DAB2IP: variants seen among roughly 807,000 people sequenced by gnomAD.
DAB2IP encodes the protein disabled homolog 2-interacting protein.
A neutral mutation model predicts 107.2 loss-of-function variants in DAB2IP; 28 were observed. That is an observed-to-expected ratio of 0.26 (90% CI 0.19 to 0.36). The LOEUF (loss-of-function observed/expected upper bound fraction) is 0.36. Among genes scored for constraint, DAB2IP ranks in the 10% least tolerant of loss-of-function variants. The pLI, the probability that DAB2IP is intolerant of heterozygous loss-of-function variation, is 1.00. For missense variants in DAB2IP, 1,400 were observed against 1,644.7 expected (o/e 0.85, Z 2.57); for synonymous variants, 755 against 706.4 (o/e 1.07, Z -1.09).
chr9:121,589,122 G>A (rs1424886867), intron 1 of DAB2IP, among the ~76,000 whole-genome samples: 5 of 152,114 alleles, frequency 3.3e-5, no homozygotes, highest in South Asian at 2.1e-4. Context: ...CACCCCCGGC[G>A]TGATATGATC....
At chr9:121,654,280 G>T (rs1265302214) in intron 1 of DAB2IP, among the ~76,000 whole-genome samples, 1 of 152,034 alleles carries the variant, frequency 6.6e-6, no homozygotes, top group Non-Finnish European at 1.5e-5. Context: ...GGATTGGGAA[G>T]GGGGCTGGGT....
intron 1 of DAB2IP, among the ~76,000 whole-genome samples, chr9:121,621,359 C>A (rs760395180): frequency 2.0e-5 from 3 of 152,196 alleles, no homozygotes; most frequent in Non-Finnish European, 4.4e-5. Flanking sequence ...TTTCAGGGCC[C>A]TTCTTCCAAA....
intron 3 of DAB2IP, among the ~76,000 whole-genome samples, chr9:121,719,684 C>T (rs1433874418): frequency 6.6e-6 from 1 of 152,136 alleles, no homozygotes; most frequent in African/African-American, 2.4e-5. Flanking sequence ...TCCCTTTGTG[C>T]CAGGTGCTTC....
In DAB2IP at chr9:121,651,766, G is replaced by A. The variant is rs1316728018; in HGVS notation, c.-10G>A. ...GCCCAGGCCCGGCCCGGTGCCCGGC[G>A]GGCGGCAGCATGTCCGCGGGCGGCA... is the stretch of plus-strand genomic sequence containing the variant. On this transcript the variant is annotated 5_prime_UTR_variant, in exon 1 of 16. Coordinates refer to ENST00000408936, the Ensembl canonical transcript of DAB2IP. This position sits in a 1 kb window ranked among gnomAD's most constrained non-coding sequence, Gnocchi z 5.1. 1.5e-6 allele frequency: 2 copies of A among 1,347,550 alleles called. No homozygotes were observed. The highest frequency in any genetic ancestry group is 1.5e-5 in the African/African-American group (1 of 66,354). The allele number at this position is 1,347,550 out of a possible 1,614,324, so 83.5% of individuals were successfully genotyped here. A position where few individuals can be genotyped will look rare whatever the true frequency, so the allele number is the denominator to read the frequency against.
chr9:121,710,973 C>T (rs918922418), intron 3 of DAB2IP, among the ~76,000 whole-genome samples: 6 of 152,224 alleles, frequency 3.9e-5, no homozygotes, highest in African/African-American at 1.4e-4. Flanking sequence ...CTGAGGTGGT[C>T]TTGCTCAGTT....
chr9:121,689,410 C>T (rs1199452971), intron 2 of DAB2IP, among the ~76,000 whole-genome samples: 1 of 152,118 alleles, frequency 6.6e-6, no homozygotes, highest in Non-Finnish European at 1.5e-5. Context: ...GAGAAATAGC[C>T]TATAAAATCC....
intron 10 of DAB2IP, among the ~76,000 whole-genome samples, 194 bp downstream of exon 10, chr9:121,768,827 C>T (rs1834486320): frequency 6.6e-6 from 1 of 152,242 alleles, no homozygotes; most frequent in Non-Finnish European, 1.5e-5. Flanking sequence ...TCAGCAGTAT[C>T]TGCCAAGGCT....
chr9:121,732,927 G>C (rs1256500944), intron 3 of DAB2IP, among the ~76,000 whole-genome samples: 1 of 152,224 alleles, frequency 6.6e-6, no homozygotes, highest in African/African-American at 2.4e-5. Context: ...CACATTTGCT[G>C]TTTGTTGGTG....
chr9:121,600,704 G>A (rs890241004), intron 1 of DAB2IP, among the ~76,000 whole-genome samples: 1 of 152,094 alleles, frequency 6.6e-6, no homozygotes, highest in African/African-American at 2.4e-5. Context: ...TAAAAAAATG[G>A]AACCAAACAC....
chr9:121,651,876 G>A lies in DAB2IP; in HGVS notation c.101G>A (p.Arg34His), dbSNP rs1351055121. The change falls in exon 1 of 16, where the codon CGC becomes CAC. Residue 34 changes from arginine (R) to histidine (H), a missense_variant. Coordinates refer to ENST00000408936, the Ensembl canonical transcript of DAB2IP. This position sits in a 1 kb window ranked among gnomAD's most constrained non-coding sequence, Gnocchi z 5.1. ...CTGCAGCGACAGAGGAGCCGCTCCC[G>A]CAGCCGGACCCGGCCTGCCAGGGGT... 4 of 1,438,458 alleles carry A rather than the reference G, an allele frequency of 2.8e-6. No individual in the cohort carries two copies. Among genetic ancestry groups the A allele is most frequent in the African/African-American group, 1.5e-5 (1 of 68,682 alleles). The allele number at this position is 1,438,458 out of a possible 1,614,324, so 89.1% of individuals were successfully genotyped here.
chr9:121,738,690 G>A (rs1832105989), intron 3 of DAB2IP, among the ~76,000 whole-genome samples: 1 of 152,224 alleles, frequency 6.6e-6, no homozygotes, highest in Non-Finnish European at 1.5e-5. Context: ...AGGTCCCCAG[G>A]GTTAGGGAGA....
chr9:121,756,765 C>T (rs943417141), intron 3 of DAB2IP, among the ~76,000 whole-genome samples: 8 of 152,370 alleles, frequency 5.3e-5, no homozygotes, highest in Non-Finnish European at 1.0e-4. Flanking sequence ...CCCGGAGTGG[C>T]GCCTAATCCT....
intron 3 of DAB2IP, among the ~76,000 whole-genome samples, chr9:121,745,611 G>C (rs1351087723): frequency 2.5e-5 from 3 of 121,142 alleles, no homozygotes; most frequent in African/African-American, 9.2e-5. Context: ...CTGGTGGCTG[G>C]ATCAACTCTG....
At chr9:121,774,478 C>A (rs1282075615) in intron 13 of DAB2IP, 66 bp downstream of exon 13, 3 of 1,492,556 alleles carry the variant, frequency 2.0e-6, no homozygotes, top group South Asian at 2.7e-5. Context: ...TGGTAGGAGT[C>A]TCTCCCCCAG....
intron 1 of DAB2IP, among the ~76,000 whole-genome samples, chr9:121,602,742 A>AT (rs902949527): frequency 4.6e-5 from 7 of 151,580 alleles, no homozygotes; most frequent in African/African-American, 1.7e-4. Context: ...CGCCCGGCTA[A>AT]TTTTTTGTAT....
chr9:121,622,011 T>G (rs1831491141), intron 1 of DAB2IP, among the ~76,000 whole-genome samples: 1 of 133,830 alleles, frequency 7.5e-6, no homozygotes, highest in South Asian at 2.5e-4. Flanking sequence ...TTTTTTGAGA[T>G]GGAGTCTCGC....
intron 3 of DAB2IP, among the ~76,000 whole-genome samples, chr9:121,715,120 C>G (rs1238858408): frequency 6.6e-6 from 1 of 152,186 alleles, no homozygotes; most frequent in African/African-American, 2.4e-5. Flanking sequence ...GGGAGCTGGC[C>G]TTGGCACTTG....
Position 121,782,484 on chromosome 9 carries a change from A to G in DAB2IP, c.3556A>G (p.Ser1186Gly), listed in dbSNP as rs949676383. ...TACTGAGAACGGCGAGTTCAGAAAC[A>G]GCAGCAATTGTTAACCTGCCTGAGG... Residue 1186 changes from serine (S) to glycine (G), a missense_variant, in exon 16 of 16, where the codon AGC becomes GGC. This residue lies in a region of DAB2IP where 600 missense variants were observed against 659.1 expected (regional missense o/e 0.91). Transcript: ENST00000408936. The surrounding 1 kb of genome is among the most constrained non-coding windows in gnomAD (Gnocchi z 6.1). 2 of 1,613,972 alleles carry G rather than the reference A, an allele frequency of 1.2e-6. No homozygotes were observed. The highest frequency in any genetic ancestry group is 1.7e-6 in the Non-Finnish European group (2 of 1,179,894).
Position 121,782,663 on chromosome 9 carries a change from A to G in DAB2IP, c.*165A>G. The G allele has an allele frequency of 6.9e-7, 1 of 1,448,396 alleles. No homozygotes were observed. The highest frequency in any genetic ancestry group is 1.4e-5 in the South Asian group (1 of 69,422). The allele number at this position is 1,448,396 out of a possible 1,614,324, so 89.7% of individuals were successfully genotyped here. A position where few individuals can be genotyped will look rare whatever the true frequency, so the allele number is the denominator to read the frequency against. ...CCAGGAGGCGGCCGCAGAGGGAGCC[A>G]CCAGAGACTGAAGCAGCGTGAGGCG... is the stretch of plus-strand genomic sequence containing the variant. On this transcript the variant is annotated 3_prime_UTR_variant, in exon 16 of 16. Coordinates refer to ENST00000408936, the Ensembl canonical transcript of DAB2IP. This position sits in a 1 kb window ranked among gnomAD's most constrained non-coding sequence, Gnocchi z 6.1.
Sources: allele counts gnomAD v4.1 joint callset (sites outside exome capture counted in the v4.1 genomes callset), GRCh38; gene constraint gnomAD v4.1.1; regional missense constraint gnomAD v4.1.1; non-coding constraint Gnocchi (gnomAD v3.1); transcripts MANE v1.5; gene names NCBI Gene and HGNC (gene_info 2026-07-23, HGNC 2026-07-21).